EHMT2: variants seen among roughly 807,000 people sequenced by gnomAD.
EHMT2 encodes the protein histone-lysine N-methyltransferase EHMT2.
In EHMT2, 59 loss-of-function variants were observed where a neutral mutation model predicts 143.3. That is an observed-to-expected ratio of 0.41 (90% confidence interval 0.33 to 0.51). The LOEUF (loss-of-function observed/expected upper bound fraction) is 0.51. EHMT2 is among the 20% of genes least tolerant of loss of function. The pLI is 0.18. For missense variants in EHMT2, 1,174 were observed against 1,645.9 expected, an observed-to-expected ratio of 0.71 and a Z score of 4.96; for synonymous variants, 604 against 651.5, an observed-to-expected ratio of 0.93 and a Z score of 1.11.
rs1293389483 is a variant in EHMT2 at position 31,882,746 on chromosome 6, C to T, written c.3150G>A (p.Trp1050Ter). ...GGATGGTCTGCAGGGCGCGGACCCCCCAGCCCATCTTGGCTGTTCGGTAGA... is the reference window on the plus strand; with the variant it reads ...GGATGGTCTGCAGGGCGCGGACCCCTCAGCCCATCTTGGCTGTTCGGTAGA... Residue 1050 changes from tryptophan to a stop codon, truncating the protein, a stop_gained, in exon 25 of 28, where the codon TGG (tryptophan) becomes TGA (stop). Coordinates refer to ENST00000375537, the Ensembl canonical transcript of EHMT2. LOFTEE classifies it high-confidence loss of function. 6.2e-7 allele frequency: 1 copy of T among 1,612,644 alleles called. No homozygotes were observed. The highest frequency in any genetic ancestry group is 8.5e-7 in the Non-Finnish European group (1 of 1,179,906).
intron 4 of EHMT2, chr6:31,893,312 T>C (rs542905059): frequency 4.9e-5 from 22 of 445,390 alleles, no homozygotes; most frequent in African/African-American, 3.4e-4. Flanking sequence ...CATTCAGCCA[T>C]AAAAAGGAAA....
exon 3 of EHMT2, chr6:31,896,706 A>G (rs779838241): frequency 6.2e-7 from 1 of 1,612,374 alleles, no homozygotes; most frequent in South Asian, 1.1e-5. Context: ...CAGCCCCCTC[A>G]TCACCAACAG....
exon 4 of EHMT2, chr6:31,896,497 G>A (rs748146380): frequency 8.7e-6 from 14 of 1,612,898 alleles, no homozygotes; most frequent in Non-Finnish European, 9.3e-6. Flanking sequence ...GGGAAGAGGG[G>A]AATGACTTTG....
At chr6:31,886,971 G>A (rs1440811307) in intron 16 of EHMT2, 24 bp downstream of exon 16, 1 of 1,613,854 alleles carries the variant, frequency 6.2e-7, no homozygotes. Flanking sequence ...GGTGAATGAG[G>A]CATGGGGCCG....
In EHMT2 at chr6:31,883,427, C is replaced by A. The variant is rs1318816176; in HGVS notation, c.2929G>T (p.Val977Leu). The stretch of plus-strand genomic sequence containing the variant: ...CAGTTGGAGCTAGAGCAGTCGTCCA[C>A]ACACGTGCAGTGCTGGGGCGAGGAG... Residue 977 changes from valine to leucine, a missense_variant, in exon 23 of 28, where the codon GTG becomes TTG. By Grantham distance (32) the Val-to-Leu change is conservative. Around this residue, in one of 6 missense-constraint regions of EHMT2, gnomAD observed 78 missense variants for 144.0 expected, o/e 0.54. Coordinates refer to ENST00000375537, the Ensembl canonical transcript of EHMT2. This position sits in a 1 kb window ranked among gnomAD's most constrained non-coding sequence, Gnocchi z 5.6. 6.2e-7 allele frequency: 1 copy of A among 1,612,762 alleles called. No individual in the cohort carries two copies. The highest frequency in any genetic ancestry group is 8.5e-7 in the Non-Finnish European group (1 of 1,179,878).
chr6:31,881,185 G>A lies in EHMT2; in HGVS notation c.3198-93C>T. On this transcript the variant is annotated intron_variant, in intron 25 of 27. Transcript: ENST00000375537. The surrounding 1 kb of genome is among the most constrained non-coding windows in gnomAD (Gnocchi z 4.8). ...CTCTCTTCACAAGCCTGTGGAATCT[G>A]GAATGGGCAGGGCTGGCAGGTGTGG... The A allele has an allele frequency of 8.9e-7, 1 of 1,118,026 alleles. No individual in the cohort carries two copies. Among genetic ancestry groups the A allele is most frequent in the Non-Finnish European group, 1.4e-6 (1 of 737,078 alleles). The allele number at this position is 1,118,026 out of a possible 1,614,324, so 69.3% of individuals were successfully genotyped here.
chr6:31,888,221 G>C lies in EHMT2; in HGVS notation c.1565C>G (p.Ala522Gly), dbSNP rs1448386414. ...CATCCCATTCAGCTGAGACACACAG[G>C]CCTTGTGGAAGCGGTGGGCCACACG... Residue 522 changes from alanine to glycine, a missense_variant, in exon 13 of 28, where the codon GCC becomes GGC. Around this residue, in one of 6 missense-constraint regions of EHMT2, gnomAD observed 608 missense variants for 903.7 expected, o/e 0.67. Transcript: ENST00000375537. The surrounding 1 kb of genome is among the most constrained non-coding windows in gnomAD (Gnocchi z 7.4). The C allele has an allele frequency of 1.9e-6, 3 of 1,612,890 alleles. No individual in the cohort carries two copies. The highest frequency in any genetic ancestry group is 1.7e-6 in the Non-Finnish European group (2 of 1,179,994).
In EHMT2 at chr6:31,889,418, C is replaced by T. The variant is rs370346679; in HGVS notation, c.999+50G>A. 2.5e-5 allele frequency: 41 copies of T among 1,608,616 alleles called. No homozygotes were observed. In the African/African-American group the frequency reaches 4.7e-4, roughly 18 times the overall value. ...CCCAACACCTTCAGGACCAGACCTC[C>T]AGCCCCATAGTCTCCCACTCCTCTG... On this transcript the variant is annotated intron_variant, in intron 8 of 27. Transcript: ENST00000375537. This position sits in a 1 kb window ranked among gnomAD's most constrained non-coding sequence, Gnocchi z 5.1.
chr6:31,890,526 C>T (rs1765545219), intron 7 of EHMT2, among the ~76,000 whole-genome samples: 1 of 148,932 alleles, frequency 6.7e-6, no homozygotes, highest in Non-Finnish European at 1.5e-5. Context: ...GCTGGGATTA[C>T]AGGCGTGAGC....
exon 1 of EHMT2, chr6:31,897,678 C>A: frequency 8.8e-7 from 1 of 1,135,876 alleles, no homozygotes; most frequent in Admixed American, 4.6e-5. Context: ...CCGCCGCCAT[C>A]GCCGCTTGCG....
Position 31,884,423 on chromosome 6 carries a change from G to T in EHMT2, c.2740C>A (p.Arg914=), listed in dbSNP as rs146704002. ...ATGATCTTCTCTGTGCGGATGGCCCGATTTCCCACCCCAAGTCGGAGCTTG... is the reference window on the plus strand; with the variant it reads ...ATGATCTTCTCTGTGCGGATGGCCCTATTTCCCACCCCAAGTCGGAGCTTG... Residue 914 remains arginine, a synonymous_variant, in exon 21 of 28, where the codon CGG becomes AGG. Transcript: ENST00000375537. The surrounding 1 kb of genome is among the most constrained non-coding windows in gnomAD (Gnocchi z 7.3). 1 of 1,612,686 alleles carries T rather than the reference G, an allele frequency of 6.2e-7. No homozygotes were observed. The highest frequency in any genetic ancestry group is 2.2e-5 in the East Asian group (1 of 44,868).
chr6:31,889,417 C>T lies in EHMT2; in HGVS notation c.999+51G>A. 1 of 1,608,884 alleles carries T rather than the reference C, an allele frequency of 6.2e-7. No homozygotes were observed. Among genetic ancestry groups the T allele is most frequent in the East Asian group, 2.2e-5 (1 of 44,812 alleles). ...CCCCAACACCTTCAGGACCAGACCT[C>T]CAGCCCCATAGTCTCCCACTCCTCT... On this transcript the variant is annotated intron_variant, in intron 8 of 27. Transcript: ENST00000375537. The surrounding 1 kb of genome is among the most constrained non-coding windows in gnomAD (Gnocchi z 5.1).
Position 31,888,139 on chromosome 6 carries a change from G to A in EHMT2, c.1647C>T (p.Pro549=), listed in dbSNP as rs772290856. 9 of 1,612,440 alleles carry A rather than the reference G, an allele frequency of 5.6e-6. No homozygotes were observed. The highest frequency in any genetic ancestry group is 4.5e-5 in the East Asian group (2 of 44,882). Residue 549 remains proline (P), a synonymous_variant, in exon 13 of 28, where the codon CCC becomes CCT. Transcript: ENST00000375537. The surrounding 1 kb of genome is among the most constrained non-coding windows in gnomAD (Gnocchi z 7.4). ...CCGGTGGGGTCACCCCGTCACCCCG[G>A]GGGATGGTCACCTCTTGAGCTTCAG...
chr6:31,883,245 G>T lies in EHMT2; in HGVS notation c.2994+117C>A. 2 of 1,134,624 alleles carry T rather than the reference G, an allele frequency of 1.8e-6. No individual in the cohort carries two copies. Among genetic ancestry groups the T allele is most frequent in the Non-Finnish European group, 2.6e-6 (2 of 778,134 alleles). 70.3% of individuals were successfully genotyped at this position (1,134,624 alleles called of 1,614,324 possible). A position where few individuals can be genotyped will look rare whatever the true frequency, so the allele number is the denominator to read the frequency against. On this transcript the variant is annotated intron_variant, in intron 23 of 27. Transcript: ENST00000375537. The surrounding 1 kb of genome is among the most constrained non-coding windows in gnomAD (Gnocchi z 5.6). ...TCCCAGGCCTTGCCCAGTCCTCTCA[G>T]TCACTTCCCCCACAGGGTAGGAGGT...
At chr6:31,892,725 T>C (rs1225108332) in exon 6 of EHMT2, 1 of 1,613,066 alleles carries the variant, frequency 6.2e-7, no homozygotes, top group Non-Finnish European at 8.5e-7. Flanking sequence ...CTTCCTCCTT[T>C]TGGCCAGATC....
chr6:31,887,050 G>C (rs1764958105), exon 16 of EHMT2: 1 of 1,613,312 alleles, frequency 6.2e-7, no homozygotes, highest in Non-Finnish European at 8.5e-7. Flanking sequence ...TGCATGCAGG[G>C]GCGTGCGCTT....
chr6:31,888,340 T>C lies in EHMT2; in HGVS notation c.1509+23A>G. On this transcript the variant is annotated intron_variant, in intron 12 of 27. Transcript: ENST00000375537. The surrounding 1 kb of genome is among the most constrained non-coding windows in gnomAD (Gnocchi z 7.4). Reference sequence around the variant, plus strand: ...CCCCTCTGCCACAGGGCATGCTACCTGTCTGCCCCACTGGTCACTCACCGC... The same window carrying C: ...CCCCTCTGCCACAGGGCATGCTACCCGTCTGCCCCACTGGTCACTCACCGC... 6.2e-7 allele frequency: 1 copy of C among 1,611,988 alleles called. No individual in the cohort carries two copies. Among genetic ancestry groups the C allele is most frequent in the Non-Finnish European group, 8.5e-7 (1 of 1,179,408 alleles).
intron 7 of EHMT2, among the ~76,000 whole-genome samples, chr6:31,890,557 A>AT (rs202183742): frequency 1.4e-5 from 2 of 143,340 alleles, no homozygotes; most frequent in South Asian, 2.5e-4. Flanking sequence ...GGGCCAAAAA[A>AT]TTTTTTTTTA....
Position 31,888,334 on chromosome 6 carries a change from GCTAC to G in EHMT2, c.1509+25_1509+28del. ...TGGGGCCCCCTCTGCCACAGGGCAT[GCTAC>G]CTGTCTGCCCCACTGGTCACTCACC... is the stretch of plus-strand genomic sequence containing the variant. On this transcript the variant is annotated intron_variant, in intron 12 of 27. Coordinates refer to ENST00000375537, the Ensembl canonical transcript of EHMT2. This position sits in a 1 kb window ranked among gnomAD's most constrained non-coding sequence, Gnocchi z 7.4. 3.1e-6 allele frequency: 5 copies of G among 1,611,904 alleles called. No homozygotes were observed. Among genetic ancestry groups the G allele is most frequent in the African/African-American group, 1.3e-5 (1 of 75,044 alleles).
Sources: allele counts gnomAD v4.1 joint callset (sites outside exome capture counted in the v4.1 genomes callset), GRCh38; gene constraint gnomAD v4.1.1; regional missense constraint gnomAD v4.1.1; non-coding constraint Gnocchi (gnomAD v3.1); transcripts MANE v1.5; gene names NCBI Gene and HGNC (gene_info 2026-07-23, HGNC 2026-07-21).